GABBR2: variants seen among roughly 807,000 people sequenced by gnomAD.
GABBR2 encodes gamma-aminobutyric acid type B receptor subunit 2, also known as G-protein coupled receptor 51.
A neutral mutation model predicts 105.6 loss-of-function variants in GABBR2; 23 were observed. The observed-to-expected ratio is 0.22, with a 90% CI of 0.16 to 0.31. The LOEUF is 0.31. GABBR2 is among the 10% of genes least tolerant of loss of function. The pLI is 1.00. For synonymous variants in GABBR2, 478 were observed against 499.7 expected, an observed-to-expected ratio of 0.96 and a Z score of 0.58; for missense variants, 734 against 1,245.5, an observed-to-expected ratio of 0.59 and a Z score of 6.18.
At chr9:98,292,177 C>G (rs1830312801) in intron 18 of GABBR2, among the ~76,000 whole-genome samples, 2 of 152,196 alleles carry the variant, frequency 1.3e-5, no homozygotes, top group Non-Finnish European at 2.9e-5. Flanking sequence ...AGTTCTTATG[C>G]CTTCTTGTGT....
chr9:98,553,027 C>G (rs536436672), intron 2 of GABBR2, among the ~76,000 whole-genome samples: 1 of 152,030 alleles, frequency 6.6e-6, no homozygotes, highest in Non-Finnish European at 1.5e-5. Context: ...ACCCACGTGC[C>G]ACCATGCCTG....
intron 10 of GABBR2, among the ~76,000 whole-genome samples, chr9:98,387,253 A>G (rs7045221): frequency 0.13 from 20,052 of 152,224 alleles, 1,659 homozygotes; most frequent in African/African-American, 0.23. Flanking sequence ...ACAAAACAAA[A>G]AACTTCACCT....
At chr9:98,588,267 T>C (rs1279764974) in intron 1 of GABBR2, among the ~76,000 whole-genome samples, 1 of 152,242 alleles carries the variant, frequency 6.6e-6, no homozygotes, top group Non-Finnish European at 1.5e-5. Flanking sequence ...ATATACACTA[T>C]ATTGTTTTGT....
rs191937759 is a variant in GABBR2 at position 98,406,717 on chromosome 9, C to T, written c.1237-576G>A. Among the ~76,000 whole-genome samples the T allele has an allele frequency of 1.6e-3, 242 of 152,330 alleles. 3 individuals carry two copies. The highest frequency in any genetic ancestry group is 5.7e-3 in the African/African-American group (237 of 41,576). ...CAAAAAACTAAGCTTCTTGAGCCAGCGAGACCTGACTAGTGTCACAGGCAG... is the reference window on the plus strand; with the variant it reads ...CAAAAAACTAAGCTTCTTGAGCCAGTGAGACCTGACTAGTGTCACAGGCAG... On this transcript the variant is annotated intron_variant, in intron 7 of 18. Transcript: ENST00000259455.
At chr9:98,299,841 C>G (rs1830440273) in intron 16 of GABBR2, among the ~76,000 whole-genome samples, 1 of 152,090 alleles carries the variant, frequency 6.6e-6, no homozygotes, top group Non-Finnish European at 1.5e-5. Context: ...GTGTCTGAAA[C>G]ATAATAAGGG....
chr9:98,556,424 G>A (rs1828584918), intron 2 of GABBR2, among the ~76,000 whole-genome samples: 2 of 152,178 alleles, frequency 1.3e-5, no homozygotes, highest in South Asian at 4.1e-4. Context: ...AGTGGAGCAC[G>A]AGACTCCACA....
intron 11 of GABBR2, among the ~76,000 whole-genome samples, chr9:98,374,966 C>A (rs1404568513): frequency 6.6e-6 from 1 of 152,096 alleles, no homozygotes; most frequent in African/African-American, 2.4e-5. Context: ...GACCAACCAC[C>A]TTGTCTCTGG....
At chr9:98,520,983 A>AG (rs1325910336) in intron 3 of GABBR2, among the ~76,000 whole-genome samples, 4 of 152,198 alleles carry the variant, frequency 2.6e-5, no homozygotes, top group Admixed American at 2.6e-4. Flanking sequence ...GAATTTTAAA[A>AG]GGGGGGCCAT....
intron 17 of GABBR2, among the ~76,000 whole-genome samples, chr9:98,296,473 C>T (rs1176983312): frequency 6.6e-6 from 1 of 152,234 alleles, no homozygotes; most frequent in Non-Finnish European, 1.5e-5. Flanking sequence ...ATTGCTGGGT[C>T]TGAATGATTT....
chr9:98,385,835 T>C, intron 10 of GABBR2, 63 bp from the exon 11 acceptor site: 1 of 1,365,080 alleles, frequency 7.3e-7, no homozygotes. Context: ...CTTCAACAGG[T>C]ATTTTCTAAA....
chr9:98,671,898 A>T (rs989426564), intron 1 of GABBR2, among the ~76,000 whole-genome samples: 15 of 152,206 alleles, frequency 9.9e-5, no homozygotes, highest in Admixed American at 9.2e-4. Flanking sequence ...AAGAGATGGT[A>T]AAAAGCAGAG....
At chr9:98,617,931 C>T (rs950923717) in intron 1 of GABBR2, among the ~76,000 whole-genome samples, 2 of 152,142 alleles carry the variant, frequency 1.3e-5, no homozygotes, top group African/African-American at 2.4e-5. Flanking sequence ...CTTACCACTC[C>T]GAGCCTCCGT....
At position 98,293,840 on chromosome 9, in the gene GABBR2, T is replaced by C. The variant is rs10985765; in HGVS notation, c.2605A>G (p.Thr869Ala). The C allele has an allele frequency of 0.19, 307,659 of 1,609,430 alleles. 31,221 individuals are homozygous for C. The highest frequency in any genetic ancestry group is 0.38 in the African/African-American group (28,152 of 74,540). Residue 869 changes from threonine to alanine, a missense_variant, in exon 18 of 19, where the codon ACA (threonine) becomes GCA (alanine). Transcript: ENST00000259455. ...DQNPQLQWNT[T>A]EPSRTCKDPI... ...TCTTTGCATGTTCGAGAGGGCTCTG[T>C]TGTGTTCCACTGTAGCTGGGGATTT...
intron 6 of GABBR2, among the ~76,000 whole-genome samples, chr9:98,471,012 C>G (rs1826661904): frequency 1.3e-5 from 2 of 152,060 alleles, no homozygotes; most frequent in African/African-American, 4.8e-5. Flanking sequence ...CTGAGTAGCT[C>G]CAGTGGGACC....
intron 1 of GABBR2, among the ~76,000 whole-genome samples, chr9:98,637,123 C>A (rs1033860188): frequency 2.6e-5 from 4 of 152,196 alleles, no homozygotes; most frequent in Admixed American, 6.5e-5. Flanking sequence ...GAACTGAAAA[C>A]TTCCTCCTGT....
At chr9:98,467,067 C>T (rs1027255386) in intron 6 of GABBR2, among the ~76,000 whole-genome samples, 1 of 152,166 alleles carries the variant, frequency 6.6e-6, no homozygotes, top group African/African-American at 2.4e-5. Context: ...TTCTAGAAGT[C>T]CCACATAACA....
chr9:98,679,520 G>A (rs888800620), intron 1 of GABBR2, among the ~76,000 whole-genome samples: 3 of 152,196 alleles, frequency 2.0e-5, no homozygotes, highest in Non-Finnish European at 2.9e-5. Context: ...TATGAAAAGG[G>A]CTGTAATGAT....
At chr9:98,532,543 C>G (rs1828086822) in intron 3 of GABBR2, among the ~76,000 whole-genome samples, 1 of 152,214 alleles carries the variant, frequency 6.6e-6, no homozygotes, top group Non-Finnish European at 1.5e-5. Context: ...GGGCAGAGCT[C>G]AGAGGTGGCT....
At chr9:98,656,199 CAGG>C (rs1300695246) in intron 1 of GABBR2, among the ~76,000 whole-genome samples, 2 of 151,992 alleles carry the variant, frequency 1.3e-5, no homozygotes, top group Non-Finnish European at 2.9e-5. Context: ...TGGCAGAGGG[CAGG>C]AGAAGTAAAT....
Sources: gnomAD v4.1 joint callset for allele counts (sites outside exome capture counted in the v4.1 genomes callset) on GRCh38, gnomAD v4.1.1 for gene constraint, MANE v1.5 for transcripts, NCBI Gene and HGNC (gene_info 2026-07-23, HGNC 2026-07-21) for gene names.